Variants in DIAPH2 observed in about 807,000 individuals in gnomAD.
DIAPH2 encodes the protein diaphanous related formin 2.
Under a neutral mutation model 92.7 loss-of-function variants are expected in DIAPH2, and 35 were observed. That is an observed-to-expected ratio of 0.38 (90% CI 0.29 to 0.50). The LOEUF is 0.50. DIAPH2 is among the 20% of genes least tolerant of loss of function. The pLI is 0.94. For missense variants in DIAPH2, 701 were observed against 819.5 expected (o/e 0.86, Z 1.77); for synonymous variants, 301 against 280.4 (o/e 1.07, Z -0.73).
At chrX:96,884,134 C>A in intron 5 of DIAPH2, 1 of 434,793 alleles carries the variant, frequency 2.3e-6, no homozygotes, top group Non-Finnish European at 4.0e-6. Flanking sequence ...GTTGATTGGT[C>A]CACAGGTAGC....
chrX:97,325,768 G>C (rs766035663), intron 23 of DIAPH2, among the ~76,000 whole-genome samples: 1 of 110,448 alleles, frequency 9.1e-6, no homozygotes, highest in African/African-American at 3.3e-5. Context: ...TAGTAGAGAC[G>C]GGGTTTCACT....
At chrX:97,092,576 G>A (rs1268489162) in intron 19 of DIAPH2, among the ~76,000 whole-genome samples, 1 of 112,136 alleles carries the variant, frequency 8.9e-6, no homozygotes, top group African/African-American at 3.2e-5. Context: ...CTTTGTTTTC[G>A]ATACAGGCAC....
intron 26 of DIAPH2, among the ~76,000 whole-genome samples, chrX:97,491,797 T>C (rs1202326821): frequency 1.8e-5 from 2 of 112,350 alleles, no homozygotes; most frequent in Non-Finnish European, 3.8e-5. Flanking sequence ...TTTTCCTCTC[T>C]TGCTATCTTC....
At chrX:96,887,369 ATAGT>A (rs1369401216) in intron 5 of DIAPH2, among the ~76,000 whole-genome samples, 3 of 111,330 alleles carry the variant, frequency 2.7e-5, no homozygotes, top group African/African-American at 6.5e-5. Context: ...TCCTGCCCTG[ATAGT>A]TAGCCACACC....
intron 5 of DIAPH2, chrX:96,884,222 T>C: frequency 1.3e-6 from 1 of 783,275 alleles, no homozygotes; most frequent in Non-Finnish European, 1.8e-6. Context: ...TGTGGAGAGC[T>C]CGAAGCCTTC....
chrX:97,543,586 C>T (rs1478972324), intron 26 of DIAPH2, among the ~76,000 whole-genome samples: 1 of 110,556 alleles, frequency 9.0e-6, no homozygotes, highest in Admixed American at 9.6e-5. Flanking sequence ...CTCACTGCAA[C>T]CTCCACCTCC....
At chrX:97,366,548 T>C (rs1244866943) in intron 24 of DIAPH2, among the ~76,000 whole-genome samples, 1 of 112,098 alleles carries the variant, frequency 8.9e-6, no homozygotes, top group Non-Finnish European at 1.9e-5. Flanking sequence ...GCCTTTGTGA[T>C]TTACTGTTCA....
At chrX:97,593,547 T>C (rs766828282) in intron 26 of DIAPH2, among the ~76,000 whole-genome samples, 1 of 110,511 alleles carries the variant, frequency 9.0e-6, no homozygotes, top group South Asian at 3.8e-4. Context: ...CACATGTCTC[T>C]GGCTAGAGAA....
At position 96,888,668 on chromosome X, in the gene DIAPH2, G is replaced by GAT. The variant is rs202137096; in HGVS notation, c.587+6961_587+6962dup. Among the ~76,000 whole-genome samples, 458 of 98,498 alleles carry GAT rather than the reference G, an allele frequency of 4.6e-3. 4 individuals carry two copies. Among genetic ancestry groups the GAT allele is most frequent in the African/African-American group, 0.015 (405 of 26,884 alleles). The allele number at this position is 98,498 out of a possible 115,157, so 85.5% of individuals were successfully genotyped here. ...ATATATATATTACCATGTATATACA[G>GAT]ATATATATATATCTGTGTATATATT... On this transcript the variant is annotated intron_variant, in intron 5 of 26. Coordinates refer to ENST00000324765, the MANE Select transcript of DIAPH2 (RefSeq NM_006729.5).
chrX:97,532,318 C>T (rs1044521375), intron 26 of DIAPH2, among the ~76,000 whole-genome samples: 9 of 113,044 alleles, frequency 8.0e-5, no homozygotes, highest in African/African-American at 2.9e-4. Context: ...TTCTGAAAAG[C>T]TAGCTTGAAC....
At chrX:96,726,305 G>C (rs948632068) in intron 1 of DIAPH2, among the ~76,000 whole-genome samples, 1 of 111,579 alleles carries the variant, frequency 9.0e-6, no homozygotes, top group South Asian at 3.8e-4. Context: ...CTATGTGCTA[G>C]AAATAGTGCA....
At chrX:97,159,246 T>C (rs1348257097) in intron 22 of DIAPH2, among the ~76,000 whole-genome samples, 1 of 112,184 alleles carries the variant, frequency 8.9e-6, no homozygotes, top group Non-Finnish European at 1.9e-5. Context: ...CTTTTCAACC[T>C]GTGGTGGTAA....
chrX:97,356,215 T>C (rs934160342), intron 24 of DIAPH2, among the ~76,000 whole-genome samples: 1 of 111,846 alleles, frequency 8.9e-6, no homozygotes, highest in African/African-American at 3.2e-5. Flanking sequence ...CCTAGAGACC[T>C]GAAGGGAATC....
chrX:96,821,358 C>G (rs1454942297), intron 4 of DIAPH2, among the ~76,000 whole-genome samples: 1 of 111,178 alleles, frequency 9.0e-6, no homozygotes, highest in Non-Finnish European at 1.9e-5. Flanking sequence ...AGCAGCAGAA[C>G]CCATTGACTT....
chrX:97,020,116 C>T (rs1169831354), intron 17 of DIAPH2, among the ~76,000 whole-genome samples: 1 of 112,632 alleles, frequency 8.9e-6, no homozygotes, highest in African/African-American at 3.2e-5. Context: ...CTTCTCTGTT[C>T]AGGTAATCTA....
chrX:97,092,894 T>G (rs748883357), intron 19 of DIAPH2, among the ~76,000 whole-genome samples: 1 of 111,360 alleles, frequency 9.0e-6, no homozygotes, highest in Non-Finnish European at 1.9e-5. Context: ...CTGTTAAAAA[T>G]CTATTCTAGG....
intron 26 of DIAPH2, among the ~76,000 whole-genome samples, chrX:97,440,915 G>T (rs754843501): frequency 9.0e-6 from 1 of 111,055 alleles, no homozygotes; most frequent in South Asian, 3.8e-4. Flanking sequence ...TACAATAAAA[G>T]CTCAGACTTC....
intron 26 of DIAPH2, among the ~76,000 whole-genome samples, chrX:97,444,124 G>T (rs2070286131): frequency 9.0e-6 from 1 of 111,541 alleles, no homozygotes; most frequent in Non-Finnish European, 1.9e-5. Flanking sequence ...ACTGTTATAA[G>T]GATTTGATCT....
chrX:97,375,099 C>T (rs1302102640), intron 24 of DIAPH2, among the ~76,000 whole-genome samples: 1 of 111,965 alleles, frequency 8.9e-6, no homozygotes, highest in Non-Finnish European at 1.9e-5. Flanking sequence ...AGGTAACATA[C>T]ATTGGGATCT....
Sources: gnomAD v4.1 joint callset for allele counts (sites outside exome capture counted in the v4.1 genomes callset) on GRCh38, gnomAD v4.1.1 for gene constraint, MANE v1.5 for transcripts, NCBI Gene and HGNC (gene_info 2026-07-23, HGNC 2026-07-21) for gene names.